OR4E2: variants seen among roughly 807,000 people sequenced by gnomAD.
OR4E2 encodes olfactory receptor 4E2.
In OR4E2, 9 loss-of-function variants were observed where a neutral mutation model predicts 11.0. That is an observed-to-expected ratio of 0.82 (90% CI 0.49 to 1.43). The LOEUF (loss-of-function observed/expected upper bound fraction) is 1.43, where lower values mean the gene tolerates loss of function less well. Among genes scored for constraint, OR4E2 ranks in the 40% most tolerant of loss-of-function variants. The pLI is 0.00. For synonymous variants in OR4E2, 159 were observed against 147.3 expected (o/e 1.08, Z -0.57); for missense variants, 441 against 382.0 (o/e 1.15, Z -1.29).
rs531272469 is a variant in OR4E2 at position 21,664,595 on chromosome 14, A to G, written c.-8-480A>G. On this transcript the variant is annotated intron_variant, in intron 3 of 3. Transcript: ENST00000641524. The stretch of plus-strand genomic sequence containing the variant: ...GGAGGACAGTGACTTGCTTGGTCAG[A>G]GAGAAGAATTAATAGGGAGAATAAA... Among the ~76,000 whole-genome samples, 3 of 152,282 alleles carry G rather than the reference A, an allele frequency of 2.0e-5. No homozygotes were observed. The East Asian group carries it at 5.8e-4, about 29-fold the overall frequency.
rs1158603486 is a variant in OR4E2, at chr14:21,665,697, C to A, written c.615C>A (p.Thr205=). 1.2e-6 allele frequency: 2 copies of A among 1,614,160 alleles called. No individual in the cohort carries two copies. The highest frequency in any genetic ancestry group is 1.7e-5 in the Admixed American group (1 of 60,020). ...TACTGATTGTGACCAATAGTGGAAC[C>A]ATCTCCCTCTCCTGTTTCTTGGCCG... ...TGILIVTNSG[T]ISLSCFLAVV... The change falls in exon 4 of 4, where the codon ACC becomes ACA. Residue 205 remains threonine (T), a synonymous_variant. Coordinates refer to ENST00000641524, the MANE Select transcript of OR4E2 (RefSeq NM_001001912.3).
intron 3 of OR4E2, 115 bp downstream of exon 3, chr14:21,660,861 C>T (rs893143129): frequency 3.3e-5 from 5 of 151,896 alleles, no homozygotes; most frequent in Non-Finnish European, 5.9e-5. Context: ...TCATAAATGG[C>T]CACAAAGGAT....
At chr14:21,653,984 A>T (rs1197334563) in intron 1 of OR4E2, 45 bp downstream of exon 1, 1 of 152,228 alleles carries the variant, frequency 6.6e-6, no homozygotes, top group Non-Finnish European at 1.5e-5. Flanking sequence ...TAAACAAATA[A>T]GATAGATAGT....
intron 1 of OR4E2, among the ~76,000 whole-genome samples, chr14:21,655,793 TA>T (rs890554965): frequency 6.6e-6 from 1 of 152,136 alleles, no homozygotes; most frequent in African/African-American, 2.4e-5. Context: ...TTTTTTTCTA[TA>T]AAAAAATTTG....
intron 2 of OR4E2, among the ~76,000 whole-genome samples, chr14:21,657,485 TTCCTTCCTTCC>T (rs1880059401): frequency 8.3e-6 from 1 of 119,970 alleles, no homozygotes; most frequent in African/African-American, 3.0e-5. Context: ...CCTTCCTTCC[TTCCTTCCTTCC>T]TTCCTTCCTT....
chr14:21,655,203 G>A (rs763189040), intron 1 of OR4E2, among the ~76,000 whole-genome samples: 10 of 152,122 alleles, frequency 6.6e-5, no homozygotes, highest in Non-Finnish European at 1.2e-4. Context: ...TCAAGTATAC[G>A]CAGAGTAATA....
intron 3 of OR4E2, 122 bp downstream of exon 3, chr14:21,660,868 G>A (rs896615280): frequency 6.6e-6 from 1 of 152,062 alleles, no homozygotes; most frequent in African/African-American, 2.4e-5. Context: ...TGGCCACAAA[G>A]GATGGACTGG....
rs1880647906 is a variant in OR4E2, at chr14:21,666,296, G to T, written c.*272G>T. 5.8e-6 allele frequency: 2 copies of T among 344,268 alleles called. No homozygotes were observed. Among genetic ancestry groups the T allele is most frequent in the Non-Finnish European group, 1.1e-5 (2 of 189,534 alleles). The allele number at this position is 344,268 out of a possible 1,614,324, so 21.3% of individuals were successfully genotyped here. On this transcript the variant is annotated 3_prime_UTR_variant, in exon 4 of 4. Transcript: ENST00000641524. ...ACAGCTTTTGATTTCATCAGTAAAA[G>T]AATACAATTTGGGGAACTCAGTTCA...
Position 21,665,685 on chromosome 14 carries a change from C to G in OR4E2, c.603C>G (p.Thr201=), listed in dbSNP as rs117936299. The G allele has an allele frequency of 5.5e-3, 8,845 of 1,614,074 alleles. 43 individuals carry two copies. The highest frequency in any genetic ancestry group is 6.5e-3 in the Non-Finnish European group (7,705 of 1,179,970). ...ACCTCACAGGAATACTGATTGTGAC[C>G]AATAGTGGAACCATCTCCCTCTCCT... The part of the protein sequence containing the change: ...DTYLTGILIV[T]NSGTISLSCF... Residue 201 remains threonine (T), a synonymous_variant, in exon 4 of 4, where the codon ACC becomes ACG. Coordinates refer to ENST00000641524, the MANE Select transcript of OR4E2 (RefSeq NM_001001912.3).
rs1005972338 is a variant in OR4E2 at position 21,666,666 on chromosome 14, T to C, written c.*642T>C. The C allele has an allele frequency of 2.6e-5, 4 of 151,380 alleles. No homozygotes were observed. Among genetic ancestry groups the C allele is most frequent in the Non-Finnish European group, 2.9e-5 (2 of 67,902 alleles). 9.4% of individuals were successfully genotyped at this position (151,380 alleles called of 1,614,324 possible). A position where few individuals can be genotyped will look rare whatever the true frequency, so the allele number is the denominator to read the frequency against. The stretch of plus-strand genomic sequence containing the variant: ...AAACAAAACTATACACCCACAAGAA[T>C]AGTAAAAATTAAAAAGGTAGAAAAT... On this transcript the variant is annotated 3_prime_UTR_variant, in exon 4 of 4. Coordinates refer to ENST00000641524, the MANE Select transcript of OR4E2 (RefSeq NM_001001912.3).
intron 2 of OR4E2, among the ~76,000 whole-genome samples, chr14:21,657,882 C>A (rs1055609847): frequency 6.6e-6 from 1 of 152,164 alleles, no homozygotes; most frequent in African/African-American, 2.4e-5. Context: ...AGCCACTGCA[C>A]CCAGCCTCTA....
intron 3 of OR4E2, among the ~76,000 whole-genome samples, chr14:21,663,796 G>C (rs780161419): frequency 1.3e-5 from 2 of 152,168 alleles, no homozygotes; most frequent in Admixed American, 1.3e-4. Context: ...CACAGGTGTA[G>C]AGTGGGTCCA....
chr14:21,657,389 TCTTTCTTCCTTCCTTC>T (rs1880021934), intron 2 of OR4E2, among the ~76,000 whole-genome samples: 2 of 82,222 alleles, frequency 2.4e-5, no homozygotes, highest in South Asian at 4.9e-4. Flanking sequence ...TTCCTTCCTT[TCTTTCTTCCTTCCTTC>T]CTTTCTTTCT....
chr14:21,667,606 C>T lies in OR4E2; in HGVS notation c.*1582C>T, dbSNP rs1196310010. 2 of 152,124 alleles carry T rather than the reference C, an allele frequency of 1.3e-5. No individual in the cohort carries two copies. Among genetic ancestry groups the T allele is most frequent in the African/African-American group, 4.8e-5 (2 of 41,422 alleles). The allele number at this position is 152,124 out of a possible 1,614,324, so 9.4% of individuals were successfully genotyped here. On this transcript the variant is annotated 3_prime_UTR_variant, in exon 4 of 4. Transcript: ENST00000641524. ...ATGAAATGAAGTCCAGATATCACTA[C>T]TATGTACATGTTAAAAACTTAGAAA...
rs1217251343 is a variant in OR4E2, at chr14:21,666,591, T to G, written c.*567T>G. ...AGACAGGAATTTTTTGTACTATTCC[T>G]GCAACTTCCTGTAAGTCTGAAATTA... On this transcript the variant is annotated 3_prime_UTR_variant, in exon 4 of 4. Transcript: ENST00000641524. 2 of 152,170 alleles carry G rather than the reference T, an allele frequency of 1.3e-5. No homozygotes were observed. Among genetic ancestry groups the G allele is most frequent in the African/African-American group, 4.8e-5 (2 of 41,450 alleles). The allele number at this position is 152,170 out of a possible 1,614,324, so 9.4% of individuals were successfully genotyped here.
chr14:21,655,432 A>C (rs1172404242), intron 1 of OR4E2, among the ~76,000 whole-genome samples: 2 of 152,160 alleles, frequency 1.3e-5, no homozygotes, highest in African/African-American at 4.8e-5. Flanking sequence ...CAGGAGGCTG[A>C]AGTGGGAGGA....
At chr14:21,661,316 G>A (rs549881458) in intron 3 of OR4E2, among the ~76,000 whole-genome samples, 1 of 152,100 alleles carries the variant, frequency 6.6e-6, no homozygotes, top group Non-Finnish European at 1.5e-5. Flanking sequence ...ATATGTTGAA[G>A]CATATGCATG....
At chr14:21,661,199 A>T (rs1346693612) in intron 3 of OR4E2, among the ~76,000 whole-genome samples, 7 of 152,234 alleles carry the variant, frequency 4.6e-5, no homozygotes, top group African/African-American at 1.7e-4. Context: ...AACTAATGTT[A>T]AAATTGATGT....
intron 2 of OR4E2, among the ~76,000 whole-genome samples, chr14:21,657,511 CTTTGTT>C (rs1880067859): frequency 5.1e-5 from 5 of 98,884 alleles, no homozygotes; most frequent in Admixed American, 2.6e-4. Flanking sequence ...TTCCTTCTTT[CTTTGTT>C]TTTCTTTCTT....
Sources: allele counts gnomAD v4.1 joint callset (sites outside exome capture counted in the v4.1 genomes callset), GRCh38; gene constraint gnomAD v4.1.1; transcripts MANE v1.5; gene names NCBI Gene and HGNC (gene_info 2026-07-23, HGNC 2026-07-21).